CACNB2: variants seen among roughly 807,000 people sequenced by gnomAD.
The protein encoded by CACNB2 is calcium voltage-gated channel auxiliary subunit beta 2, also known as voltage-dependent L-type calcium channel subunit beta-2.
Under a neutral mutation model 73.3 loss-of-function variants are expected in CACNB2, and 42 were observed. The ratio of observed to expected loss-of-function variants is 0.57; its 90% CI spans 0.45 to 0.74. The LOEUF (loss-of-function observed/expected upper bound fraction) is 0.74. CACNB2 is among the 30% of genes least tolerant of loss of function. The pLI is 0.00. For synonymous variants in CACNB2, 348 were observed against 310.3 expected (o/e 1.12, Z -1.28); for missense variants, 940 against 853.0 (o/e 1.10, Z -1.27).
chr10:18,424,556 G>A (rs747017921), intron 3 of CACNB2, among the ~76,000 whole-genome samples: 9 of 152,178 alleles, frequency 5.9e-5, no homozygotes, highest in Admixed American at 3.9e-4. Flanking sequence ...TCGGGTGTCC[G>A]AGACCCCCAC....
At chr10:18,400,323 A>G (rs1235174896) in intron 2 of CACNB2, among the ~76,000 whole-genome samples, 2 of 152,206 alleles carry the variant, frequency 1.3e-5, no homozygotes, top group Admixed American at 6.5e-5. Context: ...ATGGAAAGGG[A>G]TTATTAAAGG....
intron 2 of CACNB2, among the ~76,000 whole-genome samples, chr10:18,348,170 A>G (rs1013628533): frequency 6.6e-6 from 1 of 152,232 alleles, no homozygotes; most frequent in Non-Finnish European, 1.5e-5. Context: ...ATAACAAGAT[A>G]AAAACACGTT....
At chr10:18,193,080 A>G (rs1292604486) in intron 2 of CACNB2, among the ~76,000 whole-genome samples, 1 of 152,224 alleles carries the variant, frequency 6.6e-6, no homozygotes, top group East Asian at 1.9e-4. Flanking sequence ...TTTATGGGGT[A>G]CATGTGATGT....
chr10:18,488,902 G>T (rs2049237260), intron 3 of CACNB2, among the ~76,000 whole-genome samples: 2 of 152,100 alleles, frequency 1.3e-5, no homozygotes, highest in African/African-American at 2.4e-5. Context: ...CTTCAGCCGG[G>T]TACGGTGGCT....
At chr10:18,411,852 A>G (rs1050920215) in intron 3 of CACNB2, among the ~76,000 whole-genome samples, 2 of 152,178 alleles carry the variant, frequency 1.3e-5, no homozygotes, top group African/African-American at 4.8e-5. Context: ...TGACCTTACA[A>G]TACATACAGC....
At chr10:18,174,578 A>G (rs1414829065) in intron 2 of CACNB2, among the ~76,000 whole-genome samples, 2 of 151,544 alleles carry the variant, frequency 1.3e-5, no homozygotes, top group Non-Finnish European at 2.9e-5. Flanking sequence ...TAATTTTTGT[A>G]TTTTTAGTAG....
intron 3 of CACNB2, among the ~76,000 whole-genome samples, chr10:18,408,300 A>G (rs2044411192): frequency 8.3e-6 from 1 of 119,948 alleles, no homozygotes; most frequent in Non-Finnish European, 1.6e-5. Context: ...GTGCAGTGGT[A>G]TGATCTCAGC....
chr10:18,198,752 C>T (rs2034739143), intron 2 of CACNB2, among the ~76,000 whole-genome samples: 1 of 152,140 alleles, frequency 6.6e-6, no homozygotes, highest in Non-Finnish European at 1.5e-5. Context: ...TTTCCTCCAC[C>T]CAGCATGACT....
chr10:18,152,301 C>A (rs2031627955), intron 2 of CACNB2, among the ~76,000 whole-genome samples: 1 of 152,062 alleles, frequency 6.6e-6, no homozygotes, highest in Non-Finnish European at 1.5e-5. Context: ...CTGGTCCGTG[C>A]CAATTGGGAA....
Position 18,402,023 on chromosome 10 carries a change from G to A in CACNB2, c.313G>A (p.Ala105Thr), listed in dbSNP as rs773650491. Residue 105 changes from alanine to threonine, a missense_variant, in exon 3 of 14, where the codon GCA (alanine) becomes ACA (threonine). Coordinates refer to ENST00000324631, the MANE Select transcript of CACNB2 (RefSeq NM_201596.3). ...CAGAGAAGCGGAGCGGCAGGCCCAG[G>A]CACAGTTGGAAAAAGCAAAGGTAAA... ...VRREAERQAQ[A>T]QLEKAKTKPV... 6.2e-6 allele frequency: 10 copies of A among 1,613,976 alleles called. No homozygotes were observed. The highest frequency in any genetic ancestry group is 3.3e-5 in the South Asian group (3 of 91,084).
At chr10:18,302,834 G>C (rs1305321434) in intron 2 of CACNB2, among the ~76,000 whole-genome samples, 1 of 152,162 alleles carries the variant, frequency 6.6e-6, no homozygotes, top group Non-Finnish European at 1.5e-5. Flanking sequence ...AACACCACCT[G>C]TTCCCTAAAA....
intron 3 of CACNB2, among the ~76,000 whole-genome samples, chr10:18,412,077 C>T (rs530279955): frequency 6.6e-6 from 1 of 152,282 alleles, no homozygotes; most frequent in South Asian, 2.1e-4. Flanking sequence ...ATGTGTGTCT[C>T]GTTCTCTTCC....
intron 2 of CACNB2, among the ~76,000 whole-genome samples, chr10:18,281,194 G>T (rs1420297032): frequency 6.6e-6 from 1 of 152,128 alleles, no homozygotes; most frequent in Non-Finnish European, 1.5e-5. Flanking sequence ...TGGAGATTAG[G>T]ATAAAGCGTG....
At chr10:18,259,569 A>C (rs1377077784) in intron 2 of CACNB2, among the ~76,000 whole-genome samples, 2 of 132,438 alleles carry the variant, frequency 1.5e-5, no homozygotes, top group East Asian at 2.4e-4. Flanking sequence ...ACAAACAAAA[A>C]AAAAAAGTAA....
At chr10:18,508,865 C>T (rs1038644907) in intron 6 of CACNB2, among the ~76,000 whole-genome samples, 4 of 152,064 alleles carry the variant, frequency 2.6e-5, no homozygotes, top group Admixed American at 6.6e-5. Flanking sequence ...TGTCAAGGAC[C>T]GTCTGTATAG....
intron 2 of CACNB2, among the ~76,000 whole-genome samples, chr10:18,345,162 CTTAT>C: frequency 6.6e-6 from 1 of 152,156 alleles, no homozygotes; most frequent in African/African-American, 2.4e-5. Flanking sequence ...CATTAAATAA[CTTAT>C]TTGAGATAAA....
At chr10:18,532,800 G>C (rs957159762) in intron 10 of CACNB2, among the ~76,000 whole-genome samples, 6 of 151,646 alleles carry the variant, frequency 4.0e-5, no homozygotes, top group Non-Finnish European at 7.4e-5. Context: ...TGCTGTGACT[G>C]TCTGAACACT....
intron 2 of CACNB2, among the ~76,000 whole-genome samples, chr10:18,382,277 G>A (rs760350085): frequency 1.4e-4 from 21 of 152,010 alleles, no homozygotes; most frequent in Non-Finnish European, 2.8e-4. Context: ...CTCTGTGAAT[G>A]TATATCACTC....
chr10:18,493,954 T>C (rs533329073), intron 3 of CACNB2, among the ~76,000 whole-genome samples: 2 of 152,276 alleles, frequency 1.3e-5, no homozygotes, highest in Admixed American at 1.3e-4. Context: ...AGTAAAGATA[T>C]TGAGGAATAG....
Sources: allele counts gnomAD v4.1 joint callset (sites outside exome capture counted in the v4.1 genomes callset), GRCh38; gene constraint gnomAD v4.1.1; transcripts MANE v1.5; gene names NCBI Gene and HGNC (gene_info 2026-07-23, HGNC 2026-07-21).